MINDY4: variants seen among roughly 807,000 people sequenced by gnomAD.
MINDY4 encodes the protein probable ubiquitin carboxyl-terminal hydrolase MINDY-4.
MINDY4 carries 68 observed loss-of-function variants against 87.0 expected under a neutral mutation model. That is an observed-to-expected ratio of 0.78 (90% confidence interval 0.64 to 0.96). The LOEUF is 0.96. Among genes scored for constraint, MINDY4 ranks in the 40% least tolerant of loss-of-function variants. The pLI, the probability that MINDY4 is intolerant of heterozygous loss-of-function variation, is 0.00. For missense variants in MINDY4, 919 were observed against 928.2 expected (o/e 0.99, Z 0.13); for synonymous variants, 379 against 363.2 (o/e 1.04, Z -0.50).
intron 15 of MINDY4, among the ~76,000 whole-genome samples, chr7:30,879,676 TC>T (rs1288399301): frequency 6.6e-6 from 1 of 152,232 alleles, no homozygotes; most frequent in Non-Finnish European, 1.5e-5. Context: ...AAACGTTACT[TC>T]CTAAAAGGCA....
At chr7:30,867,153 A>G (rs931775276) in intron 13 of MINDY4, among the ~76,000 whole-genome samples, 2 of 152,188 alleles carry the variant, frequency 1.3e-5, no homozygotes, top group African/African-American at 4.8e-5. Flanking sequence ...CAGGTGGCAG[A>G]AGGGGCCTGA....
chr7:30,838,332 G>A (rs887701932), intron 7 of MINDY4, among the ~76,000 whole-genome samples: 16 of 152,146 alleles, frequency 1.1e-4, no homozygotes, highest in Admixed American at 7.9e-4. Flanking sequence ...CTTGAGAGGT[G>A]GTGGGAACCC....
At chr7:30,843,978 C>G (rs1026925598) in intron 9 of MINDY4, among the ~76,000 whole-genome samples, 1 of 152,182 alleles carries the variant, frequency 6.6e-6, no homozygotes, top group Admixed American at 6.5e-5. Context: ...TGGGAGAGCA[C>G]GGCCTGCTGG....
At chr7:30,846,883 C>G (rs1191174987) in intron 9 of MINDY4, among the ~76,000 whole-genome samples, 1 of 152,160 alleles carries the variant, frequency 6.6e-6, no homozygotes, top group Admixed American at 6.5e-5. Flanking sequence ...CCTGCCCCCA[C>G]GAGAGTCTTA....
intron 5 of MINDY4, among the ~76,000 whole-genome samples, chr7:30,820,201 A>G (rs10155853): frequency 0.37 from 56,505 of 151,726 alleles, 13,591 homozygotes; most frequent in African/African-American, 0.67. Context: ...GCGCCCGGCC[A>G]ATAATTTTTA....
At chr7:30,840,949 C>G in intron 9 of MINDY4, 101 bp downstream of exon 9, 1 of 1,046,464 alleles carries the variant, frequency 9.6e-7, no homozygotes, top group Non-Finnish European at 1.4e-6. Context: ...CTGATATTTC[C>G]TGTCTTCTGC....
intron 1 of MINDY4, among the ~76,000 whole-genome samples, chr7:30,776,040 C>A (rs181727386): frequency 2.6e-5 from 4 of 152,334 alleles, no homozygotes; most frequent in Admixed American, 2.6e-4. Context: ...ACTTCTGTTG[C>A]AAACACCTTG....
intron 17 of MINDY4, among the ~76,000 whole-genome samples, chr7:30,885,164 G>T (rs984682851): frequency 2.0e-5 from 3 of 152,234 alleles, no homozygotes; most frequent in Non-Finnish European, 4.4e-5. Flanking sequence ...TGCATTTGTG[G>T]CTCATGCTTG....
chr7:30,831,127 A>G (rs1335407289), intron 6 of MINDY4, among the ~76,000 whole-genome samples: 1 of 152,186 alleles, frequency 6.6e-6, no homozygotes, highest in Non-Finnish European at 1.5e-5. Flanking sequence ...GGCTCTTGGC[A>G]TAGTCCAGAG....
At position 30,859,260 on chromosome 7, in the gene MINDY4, G is replaced by C; in HGVS notation, c.1681G>C (p.Glu561Gln). The C allele has an allele frequency of 1.2e-6, 2 of 1,614,100 alleles. No individual in the cohort carries two copies. The highest frequency in any genetic ancestry group is 8.5e-7 in the Non-Finnish European group (1 of 1,179,984). The change falls in exon 13 of 18, where the codon GAA becomes CAA. Residue 561 changes from glutamate to glutamine, a missense_variant. Glu to Gln is a conservative substitution (Grantham distance 29, BLOSUM62 2). Coordinates refer to ENST00000265299, the MANE Select transcript of MINDY4 (RefSeq NM_032222.3). ...CATTTTTCTCTCCCCCTCCCAGTTT[G>C]AAGTGGGCCCCTATGGCTGCATCCT... ...TFLQQSIHQF[E>Q]VGPYGCILLT...
chr7:30,847,139 A>G lies in MINDY4; in HGVS notation c.1446-3315A>G, dbSNP rs139116981. 2.6e-3 allele frequency among the ~76,000 whole-genome samples: 393 copies of G among 152,366 alleles called. 2 individuals carry two copies. Among genetic ancestry groups the G allele is most frequent in the African/African-American group, 7.7e-3 (320 of 41,588 alleles). ...GGCCAGGGAGGGCAACGGTTTTACC[A>G]GAACCTGTGAACCAGGAATCCAGCC... is the stretch of plus-strand genomic sequence containing the variant. On this transcript the variant is annotated intron_variant, in intron 9 of 17. Coordinates refer to ENST00000265299, the MANE Select transcript of MINDY4 (RefSeq NM_032222.3).
At position 30,792,639 on chromosome 7, in the gene MINDY4, G is replaced by A. The variant is rs189618038; in HGVS notation, c.1073+1065G>A. On this transcript the variant is annotated intron_variant, in intron 5 of 17. Coordinates refer to ENST00000265299, the MANE Select transcript of MINDY4 (RefSeq NM_032222.3). The stretch of plus-strand genomic sequence containing the variant: ...TTATATGTGTGTTTTAAATTTATTG[G>A]TATAAAATTGTATAATTATATTATC... Among the ~76,000 whole-genome samples, 518 of 152,138 alleles carry A rather than the reference G, an allele frequency of 3.4e-3. 8 individuals are homozygous for A. The highest frequency in any genetic ancestry group is 0.012 in the African/African-American group (492 of 41,492).
At chr7:30,837,757 G>C (rs1788903840) in intron 7 of MINDY4, among the ~76,000 whole-genome samples, 1 of 152,190 alleles carries the variant, frequency 6.6e-6, no homozygotes, top group Non-Finnish European at 1.5e-5. Context: ...AGTGAGGCCT[G>C]CAGAGAAAAC....
chr7:30,839,271 C>G lies in MINDY4; in HGVS notation c.1311C>G (p.Ser437=). ...AAGAATGGAAACTTCAGAGTTTTTC[C>G]TTTAGTAACACAGCCTCATTAAAAT... is the stretch of plus-strand genomic sequence containing the variant. ...FNEEWKLQSF[S]FSNTASLKYG... is the part of the protein sequence containing the mutation. The change falls in exon 8 of 18, where the codon TCC becomes TCG. Residue 437 remains serine (S), a synonymous_variant. Transcript: ENST00000265299. 6.2e-7 allele frequency: 1 copy of G among 1,612,020 alleles called. No individual in the cohort carries two copies. The highest frequency in any genetic ancestry group is 1.1e-5 in the South Asian group (1 of 90,440).
At chr7:30,884,186 G>A (rs1790560928) in intron 17 of MINDY4, among the ~76,000 whole-genome samples, 1 of 152,138 alleles carries the variant, frequency 6.6e-6, no homozygotes, top group African/African-American at 2.4e-5. Context: ...ACAGGAAAGC[G>A]AGCCCTTGAG....
At chr7:30,848,950 G>A (rs1014293570) in intron 9 of MINDY4, among the ~76,000 whole-genome samples, 2 of 152,320 alleles carry the variant, frequency 1.3e-5, no homozygotes, top group Admixed American at 1.3e-4. Context: ...GTCACCACGT[G>A]CCAGCCACTG....
At chr7:30,789,024 GCAGTT>G (rs1481564063) in intron 4 of MINDY4, among the ~76,000 whole-genome samples, 1 of 152,212 alleles carries the variant, frequency 6.6e-6, no homozygotes, top group East Asian at 1.9e-4. Flanking sequence ...CCTGGGGCCA[GCAGTT>G]TTTCCCACTG....
intron 7 of MINDY4, among the ~76,000 whole-genome samples, chr7:30,838,026 A>C (rs1484261982): frequency 6.6e-6 from 1 of 152,204 alleles, no homozygotes; most frequent in Non-Finnish European, 1.5e-5. Flanking sequence ...GAAAGGTCTG[A>C]CCCAGAGAGG....
chr7:30,830,299 G>T (rs1194226645), intron 6 of MINDY4, among the ~76,000 whole-genome samples: 1 of 152,160 alleles, frequency 6.6e-6, no homozygotes, highest in Non-Finnish European at 1.5e-5. Flanking sequence ...AGGAAGAGAG[G>T]TATCTTCCCA....
Sources: allele counts gnomAD v4.1 joint callset (sites outside exome capture counted in the v4.1 genomes callset), GRCh38; gene constraint gnomAD v4.1.1; transcripts MANE v1.5; gene names NCBI Gene and HGNC (gene_info 2026-07-23, HGNC 2026-07-21).